Variants in SOX5 observed in about 807,000 individuals in gnomAD.
The protein encoded by SOX5 is transcription factor SOX-5.
SOX5 carries 9 observed loss-of-function variants against 92.0 expected under a neutral mutation model. The ratio of observed to expected loss-of-function variants is 0.10; its 90% CI spans 0.06 to 0.17. The LOEUF is 0.17. Ranked by LOEUF, SOX5 falls within the 10% of genes least tolerant of loss-of-function variation. SOX5 has a pLI of 1.00. For synonymous variants in SOX5, 344 were observed against 336.3 expected (o/e 1.02, Z -0.25); for missense variants, 642 against 944.5 (o/e 0.68, Z 4.20).
intron 9 of SOX5, among the ~76,000 whole-genome samples, chr12:23,576,558 C>G (rs1288508291): frequency 2.6e-5 from 4 of 152,118 alleles, no homozygotes; most frequent in African/African-American, 9.7e-5. Context: ...CCTGGTTTCT[C>G]TTATACTATA....
intron 3 of SOX5, among the ~76,000 whole-genome samples, chr12:24,244,336 C>T (rs555796976): frequency 3.0e-4 from 45 of 152,298 alleles, no homozygotes; most frequent in African/African-American, 1.1e-3. Flanking sequence ...AATGCAAATG[C>T]AGGCAGTTAT....
intron 3 of SOX5, among the ~76,000 whole-genome samples, chr12:23,759,587 G>A (rs1275868310): frequency 1.3e-5 from 2 of 151,982 alleles, no homozygotes; most frequent in African/African-American, 2.4e-5. Flanking sequence ...TCATAATAAT[G>A]AGCACAATGA....
chr12:24,342,637 C>T (rs1156704435), intron 2 of SOX5, among the ~76,000 whole-genome samples: 2 of 152,154 alleles, frequency 1.3e-5, no homozygotes, highest in Non-Finnish European at 2.9e-5. Context: ...ATCTATTCCT[C>T]CTGCCATTGC....
At position 23,531,363 on chromosome 12, in the gene SOX5, A is replaced by G. The variant is rs1195365765; in HGVS notation, c.*2856T>C. The G allele has an allele frequency of 2.2e-4, 33 of 152,344 alleles. No homozygotes were observed. The allele number at this position is 152,344 out of a possible 1,614,324, so 9.4% of individuals were successfully genotyped here. ...TCAAATAAAACAAAATATAACAAAA[A>G]AAAGACCAAACACCAAAGTGTTGTC... On this transcript the variant is annotated 3_prime_UTR_variant, in exon 15 of 15. Coordinates refer to ENST00000451604, the MANE Select transcript of SOX5 (RefSeq NM_006940.6).
rs546996953 is a variant in SOX5 at position 23,831,993 on chromosome 12, T to G, written c.481+13990A>C. 3.5e-4 allele frequency among the ~76,000 whole-genome samples: 23 copies of G among 65,858 alleles called. No homozygotes were observed. In the South Asian group the frequency reaches 0.012, roughly 34 times the overall value. The allele number at this position is 65,858 out of a possible 152,430, so 43.2% of individuals were successfully genotyped here. A position where few individuals can be genotyped will look rare whatever the true frequency, so the allele number is the denominator to read the frequency against. On this transcript the variant is annotated intron_variant, in intron 3 of 14. Transcript: ENST00000451604. The stretch of plus-strand genomic sequence containing the variant: ...ACACACACACACACACAGAGGCACA[T>G]GCGCACACTCAGGCACACAAAAGGA...
intron 4 of SOX5, among the ~76,000 whole-genome samples, chr12:24,168,795 T>C (rs1953724195): frequency 6.6e-6 from 1 of 152,122 alleles, no homozygotes; most frequent in South Asian, 2.1e-4. Flanking sequence ...ATCTTACATA[T>C]CTATGAAATG....
chr12:24,025,373 G>T (rs768391438), intron 4 of SOX5, among the ~76,000 whole-genome samples: 1 of 152,152 alleles, frequency 6.6e-6, no homozygotes, highest in East Asian at 1.9e-4. Context: ...TGAAGGTTAT[G>T]TAAACAATGA....
intron 1 of SOX5, among the ~76,000 whole-genome samples, chr12:23,906,743 C>T (rs1170526886): frequency 6.6e-6 from 1 of 152,014 alleles, no homozygotes; most frequent in Non-Finnish European, 1.5e-5. Flanking sequence ...AAAAGCAAAG[C>T]CCCATATTTA....
intron 4 of SOX5, among the ~76,000 whole-genome samples, chr12:24,206,852 G>C (rs1958070909): frequency 6.6e-6 from 1 of 152,172 alleles, no homozygotes; most frequent in African/African-American, 2.4e-5. Context: ...AGCCAGAGCT[G>C]ACTGCTTGCC....
chr12:24,129,985 G>T (rs770723562), intron 4 of SOX5, among the ~76,000 whole-genome samples: 1 of 152,126 alleles, frequency 6.6e-6, no homozygotes, highest in Non-Finnish European at 1.5e-5. Flanking sequence ...GTGCTTGTGT[G>T]TACATGCCTG....
At chr12:24,003,700 A>G (rs1396530308) in intron 4 of SOX5, among the ~76,000 whole-genome samples, 3 of 151,970 alleles carry the variant, frequency 2.0e-5, no homozygotes, top group East Asian at 3.9e-4. Flanking sequence ...AAAACTCAGT[A>G]TGTTAAGATG....
chr12:23,853,480 G>A (rs918072005), intron 2 of SOX5, among the ~76,000 whole-genome samples: 1 of 150,352 alleles, frequency 6.7e-6, no homozygotes, highest in African/African-American at 2.4e-5. Context: ...ATAAATAGGA[G>A]AAACAGTTTT....
chr12:24,502,091 G>A (rs919732420), intron 1 of SOX5, among the ~76,000 whole-genome samples: 6 of 152,030 alleles, frequency 3.9e-5, no homozygotes, highest in Non-Finnish European at 5.9e-5. Context: ...CTCTAAACAC[G>A]CCAACTTATG....
In SOX5 at chr12:24,131,181, A is replaced by G. The variant is rs142351843; in HGVS notation, c.-2+82162T>C. On this transcript the variant is annotated intron_variant, in intron 4 of 4. Transcript: ENST00000446891. ...GTGAAGATAGTAAACCAGAAAGCAT[A>G]AAATGTTCTAATCTTTGTGTTAAGA... 3.4e-3 allele frequency among the ~76,000 whole-genome samples: 512 copies of G among 152,340 alleles called. 2 individuals carry two copies. Among genetic ancestry groups the G allele is most frequent in the Non-Finnish European group, 5.5e-3 (377 of 68,024 alleles).
intron 4 of SOX5, among the ~76,000 whole-genome samples, chr12:24,172,337 G>A (rs886402824): frequency 6.6e-6 from 1 of 151,938 alleles, no homozygotes; most frequent in Non-Finnish European, 1.5e-5. Context: ...AGTAGTTTGA[G>A]ACCAGCCTAG....
chr12:23,986,326 C>T (rs1051986342), intron 4 of SOX5, among the ~76,000 whole-genome samples: 2 of 151,816 alleles, frequency 1.3e-5, no homozygotes, highest in Admixed American at 6.6e-5. Flanking sequence ...AATCCCAGGC[C>T]TCATGAAGTT....
chr12:23,949,948 T>G (rs1465115558), upstream of SOX5, among the ~76,000 whole-genome samples: 1 of 151,584 alleles, frequency 6.6e-6, no homozygotes, highest in Non-Finnish European at 1.5e-5. Context: ...AGGGTGCCTG[T>G]CCTTTCCTTT....
intron 1 of SOX5, among the ~76,000 whole-genome samples, chr12:24,556,424 C>T (rs1953787682): frequency 6.6e-6 from 1 of 152,262 alleles, no homozygotes; most frequent in East Asian, 1.9e-4. Context: ...TCCTTGCACC[C>T]AATTTAAATA....
chr12:24,118,832 T>C (rs1257510773), intron 4 of SOX5, among the ~76,000 whole-genome samples: 1 of 152,156 alleles, frequency 6.6e-6, no homozygotes, highest in Admixed American at 6.5e-5. Context: ...GCAGATAATA[T>C]GAGAACAACT....
Sources: gnomAD v4.1 joint callset for allele counts (sites outside exome capture counted in the v4.1 genomes callset) on GRCh38, gnomAD v4.1.1 for gene constraint, MANE v1.5 for transcripts, NCBI Gene and HGNC (gene_info 2026-07-23, HGNC 2026-07-21) for gene names.